AOX1: variants seen among roughly 807,000 people sequenced by gnomAD.
AOX1 encodes aldehyde oxidase.
A neutral mutation model predicts 169.5 loss-of-function variants in AOX1; 153 were observed. That is an observed-to-expected ratio of 0.90 (90% CI 0.79 to 1.03). The LOEUF (loss-of-function observed/expected upper bound fraction) is 1.03. Among genes scored for constraint, AOX1 ranks in the 50% least tolerant of loss-of-function variants. The probability of loss-of-function intolerance (pLI) is 0.00; values close to 1 mark genes in which losing one functional copy is unlikely to be tolerated. For synonymous variants in AOX1, 562 were observed against 581.9 expected (o/e 0.97, Z 0.49); for missense variants, 1,656 against 1,663.9 (o/e 1.00, Z 0.08).
intron 10 of AOX1, among the ~76,000 whole-genome samples, chr2:200,606,252 A>G (rs971285547): frequency 5.3e-5 from 8 of 152,162 alleles, no homozygotes; most frequent in African/African-American, 1.9e-4. Context: ...TTCTTTCCCC[A>G]TTGCTTGTTT....
intron 14 of AOX1, 92 bp downstream of exon 14, chr2:200,612,885 A>T: frequency 9.9e-7 from 1 of 1,014,932 alleles, no homozygotes; most frequent in Non-Finnish European, 1.4e-6. Flanking sequence ...TGATTACAAG[A>T]AGAAAAGTGT....
At chr2:200,616,670 A>C (rs1000864436) in intron 16 of AOX1, among the ~76,000 whole-genome samples, 29 of 152,230 alleles carry the variant, frequency 1.9e-4, no homozygotes, top group African/African-American at 6.0e-4. Flanking sequence ...CTAACTCTCA[A>C]ATGGAATTTT....
rs774665431 is a variant in AOX1 at position 200,659,217 on chromosome 2, C to G, written c.3224C>G (p.Thr1075Arg). ...MPMSNVHLRG[T>R]STETVPNANI... ...ATGTCGAATGTCCACCTGCGTGGAA[C>G]AAGCACAGAAACTGTCCCTAATGCA... The change falls in exon 28 of 35, where the codon ACA becomes AGA. Residue 1075 changes from threonine (T) to arginine (R), a missense_variant. Physicochemically the swap from Thr to Arg is moderately conservative, Grantham distance 71. Coordinates refer to ENST00000374700, the MANE Select transcript of AOX1 (RefSeq NM_001159.4). 4 of 1,613,978 alleles carry G rather than the reference C, an allele frequency of 2.5e-6. No homozygotes were observed. Among genetic ancestry groups the G allele is most frequent in the South Asian group, 2.2e-5 (2 of 91,054 alleles).
chr2:200,668,522 T>A (rs2035966616), intron 32 of AOX1, 93 bp from the exon 33 acceptor site: 2 of 1,192,510 alleles, frequency 1.7e-6, no homozygotes, highest in Admixed American at 4.9e-5. Context: ...ACTGTAATTT[T>A]AAAATTCAAG....
chr2:200,679,300 T>C (rs2036134014), downstream of AOX1: 1 of 152,218 alleles, frequency 6.6e-6, no homozygotes, highest in Non-Finnish European at 1.5e-5. Flanking sequence ...GGCTTTACTG[T>C]GTAAACTCTG....
intron 26 of AOX1, among the ~76,000 whole-genome samples, chr2:200,656,286 C>T (rs111540235): frequency 0.016 from 2,426 of 147,872 alleles, 55 homozygotes; most frequent in African/African-American, 0.057. Flanking sequence ...CAGGCAGATA[C>T]GCAAGAAGGC....
chr2:200,602,456 A>T, intron 6 of AOX1, 111 bp downstream of exon 6: 2 of 902,350 alleles, frequency 2.2e-6, no homozygotes, highest in Admixed American at 4.1e-5. Flanking sequence ...GCTACTTCTT[A>T]TCTCCAGGTT....
intron 21 of AOX1, among the ~76,000 whole-genome samples, chr2:200,635,682 C>T (rs1264861831): frequency 3.8e-4 from 58 of 152,110 alleles, no homozygotes; most frequent in Non-Finnish European, 8.8e-5. Context: ...CTGTACCCTA[C>T]GCAGCATGCA....
chr2:200,620,198 A>AGTT (rs370920216), intron 16 of AOX1, among the ~76,000 whole-genome samples: 9 of 120,916 alleles, frequency 7.4e-5, no homozygotes, highest in East Asian at 3.1e-4. Flanking sequence ...ATTAATAGTG[A>AGTT]CTTTTTTTTT....
intron 10 of AOX1, among the ~76,000 whole-genome samples, chr2:200,608,267 ACTT>A (rs774400630): frequency 1.7e-4 from 26 of 152,238 alleles, no homozygotes; most frequent in Non-Finnish European, 2.2e-4. Context: ...TTACTGAAGA[ACTT>A]CTTCTGTCTG....
chr2:200,653,536 C>T (rs926460163), intron 26 of AOX1, among the ~76,000 whole-genome samples: 4 of 152,172 alleles, frequency 2.6e-5, no homozygotes, highest in Admixed American at 2.0e-4. Context: ...TCTCTGTTGC[C>T]CAAGGACATC....
At chr2:200,636,421 A>G (rs1429663072) in intron 21 of AOX1, among the ~76,000 whole-genome samples, 1 of 151,960 alleles carries the variant, frequency 6.6e-6, no homozygotes, top group Non-Finnish European at 1.5e-5. Flanking sequence ...GAGCCACCAC[A>G]TCTGGCTGAG....
chr2:200,616,732 C>G (rs2034765790), intron 16 of AOX1, among the ~76,000 whole-genome samples: 1 of 152,308 alleles, frequency 6.6e-6, no homozygotes, highest in East Asian at 1.9e-4. Flanking sequence ...AAAGTGGATA[C>G]AGTTTGGTGG....
intron 10 of AOX1, 41 bp downstream of exon 10, chr2:200,605,669 A>T (rs1258195725): frequency 9.7e-7 from 1 of 1,028,056 alleles, no homozygotes; most frequent in Non-Finnish European, 1.4e-6. Flanking sequence ...AAGATGCATT[A>T]ATCAATTTAT....
At chr2:200,604,899 G>A in intron 9 of AOX1, 59 bp downstream of exon 9, 1 of 1,333,030 alleles carries the variant, frequency 7.5e-7, no homozygotes, top group Non-Finnish European at 1.1e-6. Flanking sequence ...TTGGGATGGG[G>A]CCGGGGTGGG....
chr2:200,673,180 G>A (rs576714918), downstream of AOX1, among the ~76,000 whole-genome samples: 7 of 152,202 alleles, frequency 4.6e-5, no homozygotes, highest in African/African-American at 2.4e-5. Flanking sequence ...TGGAATTCTC[G>A]AGACAGCCAT....
intron 18 of AOX1, among the ~76,000 whole-genome samples, chr2:200,623,443 T>C (rs4614918): frequency 0.65 from 98,457 of 152,130 alleles, 31,970 homozygotes; most frequent in Middle Eastern, 0.68. Flanking sequence ...TCCCAGGTCA[T>C]CCCCTTTTTC....
intron 20 of AOX1, among the ~76,000 whole-genome samples, chr2:200,629,086 A>G (rs1374047626): frequency 6.6e-6 from 1 of 152,168 alleles, no homozygotes; most frequent in Admixed American, 6.5e-5. Context: ...CAGCTTCTTA[A>G]GTTCCAAGCC....
chr2:200,676,366 G>A (rs2036097175), downstream of AOX1, among the ~76,000 whole-genome samples: 3 of 152,034 alleles, frequency 2.0e-5, no homozygotes, highest in African/African-American at 4.8e-5. Context: ...TTGGGAGGCC[G>A]AGGTGGGCAG....
Sources: gnomAD v4.1 joint callset for allele counts (sites outside exome capture counted in the v4.1 genomes callset) on GRCh38, gnomAD v4.1.1 for gene constraint, MANE v1.5 for transcripts, NCBI Gene and HGNC (gene_info 2026-07-23, HGNC 2026-07-21) for gene names.